Variants in KCNQ5 observed in about 807,000 individuals in gnomAD.
KCNQ5 encodes the protein potassium voltage-gated channel subfamily KQT member 5.
Under a neutral mutation model 98.2 loss-of-function variants are expected in KCNQ5, and 30 were observed. The observed-to-expected ratio is 0.31, with a 90% CI of 0.23 to 0.41. The LOEUF (loss-of-function observed/expected upper bound fraction) is 0.41. KCNQ5 is among the 10% of genes least tolerant of loss of function. KCNQ5 has a pLI of 1.00. For missense variants in KCNQ5, 835 were observed against 1,182.5 expected (o/e 0.71, Z 4.31); for synonymous variants, 458 against 449.4 (o/e 1.02, Z -0.24).
At chr6:72,784,138 G>A (rs2060485966) in intron 1 of KCNQ5, among the ~76,000 whole-genome samples, 2 of 152,212 alleles carry the variant, frequency 1.3e-5, no homozygotes, top group South Asian at 4.1e-4. Context: ...CAAGGGTCGG[G>A]TACACATTCA....
At chr6:73,075,805 A>G (rs572300059) in intron 3 of KCNQ5, among the ~76,000 whole-genome samples, 3 of 152,270 alleles carry the variant, frequency 2.0e-5, no homozygotes, top group Admixed American at 2.0e-4. Flanking sequence ...ACTCTTTGGG[A>G]GGCCAAGGCT....
intron 1 of KCNQ5, among the ~76,000 whole-genome samples, chr6:72,977,043 C>T (rs1236703842): frequency 1.3e-5 from 2 of 152,174 alleles, no homozygotes; most frequent in African/African-American, 4.8e-5. Context: ...AATTCATTGT[C>T]ATCATTGTTA....
intron 1 of KCNQ5, among the ~76,000 whole-genome samples, chr6:72,884,852 A>G (rs922439618): frequency 5.3e-5 from 8 of 152,240 alleles, no homozygotes; most frequent in African/African-American, 1.9e-4. Context: ...TCCTGAGCTC[A>G]AGCGATTCAT....
chr6:73,056,763 T>TA (rs201031713), intron 3 of KCNQ5, among the ~76,000 whole-genome samples: 1 of 151,782 alleles, frequency 6.6e-6, no homozygotes, highest in African/African-American at 2.4e-5. Flanking sequence ...TGATGTGCAA[T>TA]AAAAAAAAGA....
intron 1 of KCNQ5, among the ~76,000 whole-genome samples, chr6:72,692,929 AGCCATCAC>A (rs1020158230): frequency 7.2e-5 from 11 of 152,208 alleles, no homozygotes; most frequent in Non-Finnish European, 1.6e-4. Flanking sequence ...CAGGCAAAGG[AGCCATCAC>A]ATTTTTCAAA....
chr6:72,800,318 A>C (rs890321009), intron 1 of KCNQ5, among the ~76,000 whole-genome samples: 1 of 152,226 alleles, frequency 6.6e-6, no homozygotes, highest in Non-Finnish European at 1.5e-5. Flanking sequence ...TTATTGGTCT[A>C]TTCAGAGATT....
chr6:73,017,355 A>AT (rs144112372), intron 2 of KCNQ5, among the ~76,000 whole-genome samples: 2 of 152,050 alleles, frequency 1.3e-5, no homozygotes, highest in Non-Finnish European at 2.9e-5. Context: ...TCTCTAAGTC[A>AT]TTTTTTTATC....
chr6:72,860,010 G>C (rs1354808969), intron 1 of KCNQ5, among the ~76,000 whole-genome samples: 2 of 150,966 alleles, frequency 1.3e-5, no homozygotes, highest in African/African-American at 4.9e-5. Context: ...TCCTCAAAAA[G>C]TGATTATTGA....
At position 73,190,543 on chromosome 6, in the gene KCNQ5, A is replaced by G. The variant is rs147079572; in HGVS notation, c.1578-30A>G. On this transcript the variant is annotated intron_variant, in intron 11 of 13. Transcript: ENST00000370398. The stretch of plus-strand genomic sequence containing the variant: ...GGTAACTTATATTAACAGAGTTATA[A>G]AGATTAATATGTAATATGTTCTCAT... 8,526 of 1,209,618 alleles carry G rather than the reference A, an allele frequency of 7.0e-3. 49 individuals are homozygous for G. The highest frequency in any genetic ancestry group is 8.6e-3 in the Non-Finnish European group (7,628 of 887,264). 74.9% of individuals were successfully genotyped at this position (1,209,618 alleles called of 1,614,324 possible).
At chr6:73,029,671 C>T (rs1173094983) in intron 2 of KCNQ5, among the ~76,000 whole-genome samples, 1 of 151,946 alleles carries the variant, frequency 6.6e-6, no homozygotes, top group Non-Finnish European at 1.5e-5. Flanking sequence ...CGGTGGCTCA[C>T]GCTTGTAATC....
At chr6:73,077,539 CT>C in intron 4 of KCNQ5, 42 bp downstream of exon 4, 2 of 1,558,820 alleles carry the variant, frequency 1.3e-6, no homozygotes, top group Non-Finnish European at 1.7e-6. Context: ...ATTTTTGAAA[CT>C]TTTTCATTGA....
At chr6:72,754,792 T>C (rs1445411208) in intron 1 of KCNQ5, among the ~76,000 whole-genome samples, 2 of 152,160 alleles carry the variant, frequency 1.3e-5, no homozygotes, top group Non-Finnish European at 2.9e-5. Flanking sequence ...GGAAGAATGT[T>C]GTATAAATGT....
At chr6:73,024,444 T>A (rs924779217) in intron 2 of KCNQ5, among the ~76,000 whole-genome samples, 25 of 150,986 alleles carry the variant, frequency 1.7e-4, no homozygotes, top group African/African-American at 6.1e-4. Context: ...ATCTCAAAGT[T>A]TGGGGTTTGC....
At chr6:72,818,813 T>C (rs1179425381) in intron 1 of KCNQ5, among the ~76,000 whole-genome samples, 1 of 151,278 alleles carries the variant, frequency 6.6e-6, no homozygotes, top group East Asian at 1.9e-4. Flanking sequence ...TTTTAAATAA[T>C]TTTTAGTATT....
At chr6:72,725,072 G>A (rs559195122) in intron 1 of KCNQ5, among the ~76,000 whole-genome samples, 4 of 152,038 alleles carry the variant, frequency 2.6e-5, no homozygotes, top group Non-Finnish European at 5.9e-5. Flanking sequence ...ATGTACTAAA[G>A]CGAGGATGTA....
At chr6:72,691,573 A>G (rs777605353) in intron 1 of KCNQ5, among the ~76,000 whole-genome samples, 2 of 152,244 alleles carry the variant, frequency 1.3e-5, no homozygotes, top group Admixed American at 6.5e-5. Flanking sequence ...GCTAAATTGT[A>G]GAGAAGAAAG....
At chr6:72,891,084 C>A (rs573268188) in intron 1 of KCNQ5, among the ~76,000 whole-genome samples, 3 of 152,258 alleles carry the variant, frequency 2.0e-5, no homozygotes, top group Non-Finnish European at 4.4e-5. Context: ...AAGCAATATT[C>A]CAGAATGGAT....
At chr6:72,632,744 G>A (rs1056595301) in intron 1 of KCNQ5, among the ~76,000 whole-genome samples, 3 of 151,862 alleles carry the variant, frequency 2.0e-5, no homozygotes, top group Non-Finnish European at 4.4e-5. Flanking sequence ...TCCATGTTGC[G>A]GCAAAGGACA....
rs75325523 is a variant in KCNQ5, at chr6:72,897,924, T to C, written c.399-105984T>C. Among the ~76,000 whole-genome samples, 730 of 152,334 alleles carry C rather than the reference T, an allele frequency of 4.8e-3. 11 individuals carry two copies. The highest frequency in any genetic ancestry group is 0.02 in the East Asian group (106 of 5,178). On this transcript the variant is annotated intron_variant, in intron 1 of 13. Transcript: ENST00000370398. The stretch of plus-strand genomic sequence containing the variant: ...AAAATGAGGTAGTATCTATTCTCTC[T>C]ACACTTCCCAAATCCTGTCAGTCCT...
Sources: gnomAD v4.1 joint callset for allele counts (sites outside exome capture counted in the v4.1 genomes callset) on GRCh38, gnomAD v4.1.1 for gene constraint, MANE v1.5 for transcripts, NCBI Gene and HGNC (gene_info 2026-07-23, HGNC 2026-07-21) for gene names.